The following AGBL4 variants were observed in gnomAD, a reference collection of about 807,000 sequenced individuals.
AGBL4 encodes AGBL carboxypeptidase 4.
Under a neutral mutation model 66.4 loss-of-function variants are expected in AGBL4, and 58 were observed. The observed-to-expected ratio is 0.87, with a 90% CI of 0.71 to 1.09. The LOEUF is 1.09. AGBL4 is among the 50% of genes least tolerant of loss of function. The pLI is 0.00. For missense variants in AGBL4, 579 were observed against 631.0 expected (o/e 0.92, Z 0.88); for synonymous variants, 234 against 222.9 (o/e 1.05, Z -0.44).
At chr1:48,640,887 T>C (rs1402611316) in intron 8 of AGBL4, among the ~76,000 whole-genome samples, 1 of 152,204 alleles carries the variant, frequency 6.6e-6, no homozygotes, top group African/African-American at 2.4e-5. Flanking sequence ...CTTATCGCTA[T>C]TCGCAATAAT....
intron 6 of AGBL4, among the ~76,000 whole-genome samples, chr1:48,772,558 G>T (rs1333093298): frequency 6.6e-6 from 1 of 152,212 alleles, no homozygotes; most frequent in Non-Finnish European, 1.5e-5. Flanking sequence ...GGCTGGAGAA[G>T]TAAGGTGGGG....
intron 2 of AGBL4, among the ~76,000 whole-genome samples, chr1:49,740,243 T>G (rs1650317985): frequency 6.6e-6 from 1 of 152,094 alleles, no homozygotes; most frequent in Non-Finnish European, 1.5e-5. Context: ...AGGCAGGGGT[T>G]GCAATCCTAG....
At chr1:49,528,400 G>T (rs901683036) in intron 3 of AGBL4, among the ~76,000 whole-genome samples, 1 of 151,784 alleles carries the variant, frequency 6.6e-6, no homozygotes, top group East Asian at 1.9e-4. Context: ...TATATAATTT[G>T]GCTCCATAAA....
chr1:49,723,492 T>C (rs1418456237), intron 2 of AGBL4, among the ~76,000 whole-genome samples: 2 of 152,138 alleles, frequency 1.3e-5, no homozygotes, highest in East Asian at 3.8e-4. Context: ...ATCTACCACT[T>C]GATCTCCTAT....
At chr1:49,004,326 C>A (rs1661614719) in intron 5 of AGBL4, among the ~76,000 whole-genome samples, 2 of 152,068 alleles carry the variant, frequency 1.3e-5, no homozygotes, top group African/African-American at 4.8e-5. Context: ...GAGATAAAGT[C>A]CTGATTGAGG....
chr1:49,691,687 G>A (rs571486164), intron 3 of AGBL4, among the ~76,000 whole-genome samples: 1 of 152,216 alleles, frequency 6.6e-6, no homozygotes, highest in South Asian at 2.1e-4. Context: ...TGTTGTCAAA[G>A]GAGATTAACA....
chr1:49,475,663 G>T, intron 3 of AGBL4, among the ~76,000 whole-genome samples: 1 of 151,940 alleles, frequency 6.6e-6, no homozygotes, highest in East Asian at 1.9e-4. Context: ...TTCCAAAGTT[G>T]TGTGTTTCTA....
chr1:49,051,802 C>T (rs1014548015), intron 4 of AGBL4, among the ~76,000 whole-genome samples: 3 of 152,086 alleles, frequency 2.0e-5, no homozygotes, highest in African/African-American at 7.2e-5. Context: ...TATCTCTCTC[C>T]GCACTTTGTC....
chr1:49,870,693 T>C (rs1646817450), intron 1 of AGBL4, among the ~76,000 whole-genome samples: 1 of 151,874 alleles, frequency 6.6e-6, no homozygotes, highest in South Asian at 2.1e-4. Flanking sequence ...TAAGTGTTTC[T>C]CAAAAGAATA....
At chr1:49,310,429 A>G (rs1438482745) in intron 3 of AGBL4, among the ~76,000 whole-genome samples, 1 of 152,100 alleles carries the variant, frequency 6.6e-6, no homozygotes, top group Non-Finnish European at 1.5e-5. Flanking sequence ...CTAGGGAAGC[A>G]TCGGTGGAAA....
At chr1:49,606,811 T>TCTCAA (rs1645071126) in intron 3 of AGBL4, among the ~76,000 whole-genome samples, 1 of 152,110 alleles carries the variant, frequency 6.6e-6, no homozygotes, top group South Asian at 2.1e-4. Context: ...AACTTGCTTG[T>TCTCAA]CTCAAAGGGC....
intron 4 of AGBL4, among the ~76,000 whole-genome samples, chr1:49,203,634 T>C (rs1570052408): frequency 2.0e-5 from 3 of 152,172 alleles, no homozygotes; most frequent in South Asian, 4.1e-4. Flanking sequence ...AAGTTGTTGT[T>C]TAATGGTTTA....
chr1:48,776,645 C>A lies in AGBL4; in HGVS notation c.634+90546G>T. On this transcript the variant is annotated intron_variant, in intron 6 of 13. Transcript: ENST00000371839. ...ATCTGGGCCTTGTGGAGCAACAGCG[C>A]GCCCCAGTCGCGGGGGGCGCGCGGG... The A allele has an allele frequency of 2.0e-6, 3 of 1,485,372 alleles. No individual in the cohort carries two copies. Among genetic ancestry groups the A allele is most frequent in the Middle Eastern group, 2.2e-4 (1 of 4,460 alleles). 92.0% of individuals were successfully genotyped at this position (1,485,372 alleles called of 1,614,324 possible). A position where few individuals can be genotyped will look rare whatever the true frequency, so the allele number is the denominator to read the frequency against.
chr1:49,957,545 G>A (rs1276134186), intron 1 of AGBL4, among the ~76,000 whole-genome samples: 1 of 151,894 alleles, frequency 6.6e-6, no homozygotes, highest in African/African-American at 2.4e-5. Context: ...GGGTGCTCCT[G>A]TATTGGGTGC....
chr1:49,090,248 A>G (rs898793488), intron 4 of AGBL4, among the ~76,000 whole-genome samples: 2 of 152,176 alleles, frequency 1.3e-5, no homozygotes, highest in African/African-American at 4.8e-5. Flanking sequence ...GCAATCAGGC[A>G]AGAGAACAAA....
chr1:49,850,229 C>G (rs113264061), intron 2 of AGBL4, among the ~76,000 whole-genome samples: 1 of 152,096 alleles, frequency 6.6e-6, no homozygotes, highest in Non-Finnish European at 1.5e-5. Flanking sequence ...TATAGACATA[C>G]AGGGAGAACA....
At chr1:50,001,784 T>G (rs1045866597) in intron 1 of AGBL4, among the ~76,000 whole-genome samples, 2 of 152,040 alleles carry the variant, frequency 1.3e-5, no homozygotes, top group Admixed American at 6.5e-5. Flanking sequence ...AGTCAGAAAT[T>G]CATATTTTTA....
At chr1:49,948,027 A>ATATATATATATATAAAT (rs1655491900) in intron 1 of AGBL4, among the ~76,000 whole-genome samples, 1 of 75,876 alleles carries the variant, frequency 1.3e-5, no homozygotes. Flanking sequence ...AATATATATA[A>ATATATATATATATAAAT]ATATATATAC....
At chr1:49,218,657 T>C (rs1164618098) in intron 4 of AGBL4, among the ~76,000 whole-genome samples, 1 of 152,088 alleles carries the variant, frequency 6.6e-6, no homozygotes, top group African/African-American at 2.4e-5. Context: ...CAAAAATAAC[T>C]CACTAGATTA....
Sources: gnomAD v4.1 joint callset for allele counts (sites outside exome capture counted in the v4.1 genomes callset) on GRCh38, gnomAD v4.1.1 for gene constraint, MANE v1.5 for transcripts, NCBI Gene and HGNC (gene_info 2026-07-23, HGNC 2026-07-21) for gene names.